RMI2: variants seen among roughly 807,000 people sequenced by gnomAD.
RMI2 encodes the protein RecQ mediated genome instability 2.
A neutral mutation model predicts 8.4 loss-of-function variants in RMI2; 11 were observed. That is an observed-to-expected ratio of 1.32 (90% CI 0.83 to 2.18). The LOEUF is 2.18. RMI2 is among the 30% of genes most tolerant of loss of function. RMI2 has a pLI of 0.00. For synonymous variants in RMI2, 105 were observed against 93.8 expected, an observed-to-expected ratio of 1.12 and a Z score of -0.69; for missense variants, 253 against 207.5, an observed-to-expected ratio of 1.22 and a Z score of -1.35.
intron 1 of RMI2, among the ~76,000 whole-genome samples, chr16:11,346,103 G>A (rs564360173): frequency 1.5e-4 from 23 of 152,264 alleles, no homozygotes; most frequent in African/African-American, 5.5e-4. Flanking sequence ...GGGAAATACT[G>A]TCCTGGGAAA....
chr16:11,350,287 A>G (rs2070948344), intron 1 of RMI2, among the ~76,000 whole-genome samples: 1 of 152,192 alleles, frequency 6.6e-6, no homozygotes, highest in Non-Finnish European at 1.5e-5. Flanking sequence ...TTGGCCTAGT[A>G]AAATCAGAAA....
chr16:11,347,193 A>G (rs2070887537), intron 1 of RMI2, among the ~76,000 whole-genome samples: 1 of 152,082 alleles, frequency 6.6e-6, no homozygotes, highest in Admixed American at 6.5e-5. Flanking sequence ...ATCTTTGGGG[A>G]GCCATGAGGA....
chr16:11,345,716 C>T lies in RMI2; in HGVS notation c.245C>T (p.Ser82Leu). The change falls in exon 1 of 2, where the codon TCG (serine) becomes TTG (leucine). Residue 82 changes from serine to leucine, a missense_variant. By Grantham distance (145) the Ser-to-Leu change is moderately radical (BLOSUM62 -2). Coordinates refer to ENST00000312499, the MANE Select transcript of RMI2 (RefSeq NM_152308.3). The stretch of plus-strand genomic sequence containing the variant: ...CTGAGGGACCCGAGCGGGGACTTCT[C>T]GGTCCGCGGCCTGGAGCGGGTGCCG... ...ARLRDPSGDF[S>L]VRGLERVPRG... 4.0e-6 allele frequency: 5 copies of T among 1,253,448 alleles called. No individual in the cohort carries two copies. Among genetic ancestry groups the T allele is most frequent in the Non-Finnish European group, 4.0e-6 (4 of 1,000,418 alleles). The allele number at this position is 1,253,448 out of a possible 1,614,324, so 77.6% of individuals were successfully genotyped here. A position where few individuals can be genotyped will look rare whatever the true frequency, so the allele number is the denominator to read the frequency against.
At chr16:11,350,473 C>T (rs1391531711) in intron 1 of RMI2, among the ~76,000 whole-genome samples, 169 bp from the exon 2 acceptor site, 1 of 152,116 alleles carries the variant, frequency 6.6e-6, no homozygotes, top group East Asian at 1.9e-4. Context: ...ACCTGTAATC[C>T]CAGCTACTCA....
intron 1 of RMI2, 82 bp from the exon 2 acceptor site, chr16:11,350,560 A>G: frequency 1.3e-5 from 16 of 1,248,128 alleles, no homozygotes; most frequent in Non-Finnish European, 1.6e-5. Context: ...ACTGCACTCC[A>G]GCCTGGGCGA....
chr16:11,351,362 C>T lies in RMI2; in HGVS notation c.*572C>T, dbSNP rs150255515. The T allele has an allele frequency of 6.0e-4, 139 of 232,666 alleles. No individual in the cohort carries two copies. Among genetic ancestry groups the T allele is most frequent in the African/African-American group, 2.6e-3 (119 of 45,446 alleles). The allele number at this position is 232,666 out of a possible 1,614,324, so 14.4% of individuals were successfully genotyped here. ...AAAGACAACAGCTCCCTTTCTGCTT[C>T]GGACACCACTCAAACATTTAGACGC... On this transcript the variant is annotated 3_prime_UTR_variant, in exon 2 of 2. Transcript: ENST00000312499.
intron 1 of RMI2, among the ~76,000 whole-genome samples, chr16:11,350,323 G>T (rs2070948924): frequency 6.6e-6 from 1 of 152,188 alleles, no homozygotes; most frequent in African/African-American, 2.4e-5. Context: ...GGGTACAGTG[G>T]CTCATGCCTA....
Position 11,348,146 on chromosome 16 carries a change from A to G in RMI2, c.295+2380A>G, listed in dbSNP as rs1005175904. On this transcript the variant is annotated intron_variant, in intron 1 of 1. Coordinates refer to ENST00000312499, the MANE Select transcript of RMI2 (RefSeq NM_152308.3). Reference sequence around the variant, plus strand: ...ATATGAAATTCAAGCATCAGTGTTCATAAGTTAAGTTTTATTGGAATACAT... The same window carrying G: ...ATATGAAATTCAAGCATCAGTGTTCGTAAGTTAAGTTTTATTGGAATACAT... The G allele has an allele frequency of 2.0e-4, 30 of 152,274 alleles. 2 individuals carry two copies. The highest frequency in any genetic ancestry group is 1.8e-3 in the Admixed American group (27 of 15,288). The allele number at this position is 152,274 out of a possible 1,614,324, so 9.4% of individuals were successfully genotyped here.
chr16:11,347,008 A>G (rs1403377521), intron 1 of RMI2, among the ~76,000 whole-genome samples: 1 of 152,256 alleles, frequency 6.6e-6, no homozygotes, highest in Admixed American at 6.5e-5. Context: ...TAAGTGCTCC[A>G]AGAACCAATA....
intron 1 of RMI2, 36 bp downstream of exon 1, chr16:11,345,802 G>C: frequency 8.2e-7 from 1 of 1,225,996 alleles, no homozygotes; most frequent in Non-Finnish European, 1.0e-6. Flanking sequence ...CCTCTTCCCT[G>C]CTGCCCGCCG....
Position 11,350,919 on chromosome 16 carries a change from T to G in RMI2, c.*129T>G. The G allele has an allele frequency of 1.4e-6, 1 of 739,076 alleles. No homozygotes were observed. The highest frequency in any genetic ancestry group is 2.1e-5 in the South Asian group (1 of 48,032). The allele number at this position is 739,076 out of a possible 1,614,324, so 45.8% of individuals were successfully genotyped here. On this transcript the variant is annotated 3_prime_UTR_variant, in exon 2 of 2. Coordinates refer to ENST00000312499, the MANE Select transcript of RMI2 (RefSeq NM_152308.3). ...TGCTTCTCAGAGAGCCTTGCTTTGGTTGACCAAGGAGTCCGGATGTAGGAA... is the reference window on the plus strand; with the variant it reads ...TGCTTCTCAGAGAGCCTTGCTTTGGGTGACCAAGGAGTCCGGATGTAGGAA...
At chr16:11,346,632 C>T (rs1402262024) in intron 1 of RMI2, among the ~76,000 whole-genome samples, 3 of 152,164 alleles carry the variant, frequency 2.0e-5, no homozygotes, top group Admixed American at 6.5e-5. Flanking sequence ...CTTGGTAAAG[C>T]TGGGATGGCT....
At position 11,345,483 on chromosome 16, in the gene RMI2, T is replaced by A; in HGVS notation, c.12T>A (p.Ala4=). The change falls in exon 1 of 2, where the codon GCT becomes GCA. Residue 4 remains alanine, a synonymous_variant. Coordinates refer to ENST00000312499, the MANE Select transcript of RMI2 (RefSeq NM_152308.3). MAA[A]ADSFSGGPAG... ...TGCGGCGAGGCGGAATGGCGGCGGC[T>A]GCGGACTCGTTCTCAGGCGGCCCCG... 1 of 1,314,246 alleles carries A rather than the reference T, an allele frequency of 7.6e-7. No homozygotes were observed. The highest frequency in any genetic ancestry group is 9.7e-7 in the Non-Finnish European group (1 of 1,027,084). 81.4% of individuals were successfully genotyped at this position (1,314,246 alleles called of 1,614,324 possible).
rs1174480604 is a variant in RMI2 at position 11,349,972 on chromosome 16, G to C, written c.296-670G>C. On this transcript the variant is annotated intron_variant, in intron 1 of 1. Transcript: ENST00000312499. The surrounding 1 kb of genome is among the most constrained non-coding windows in gnomAD (Gnocchi z 4.2). ...TGTGTGGATTTGCTTGTATGTGCTG[G>C]AGGAGGTGGCAGGGATAGGTCCCAG... Among the ~76,000 whole-genome samples, 1 of 152,210 alleles carries C rather than the reference G, an allele frequency of 6.6e-6. No individual in the cohort carries two copies. Among genetic ancestry groups the C allele is most frequent in the African/African-American group, 2.4e-5 (1 of 41,446 alleles).
intron 1 of RMI2, among the ~76,000 whole-genome samples, chr16:11,346,691 G>A (rs997233813): frequency 6.6e-6 from 1 of 152,210 alleles, no homozygotes; most frequent in East Asian, 1.9e-4. Context: ...GGTGGGGCTG[G>A]AAATTTGCAT....
chr16:11,347,793 A>G (rs1336179004), intron 1 of RMI2, among the ~76,000 whole-genome samples: 1 of 152,068 alleles, frequency 6.6e-6, no homozygotes, highest in African/African-American at 2.4e-5. Context: ...TACTATTATT[A>G]TTTTTGAGAC....
chr16:11,347,182 G>A (rs975333718), intron 1 of RMI2, among the ~76,000 whole-genome samples: 14 of 152,214 alleles, frequency 9.2e-5, no homozygotes, highest in African/African-American at 3.4e-4. Flanking sequence ...GAGGATCGCT[G>A]ATCTTTGGGG....
rs1485763614 is a variant in RMI2 at position 11,351,279 on chromosome 16, A to T, written c.*489A>T. The T allele has an allele frequency of 4.3e-6, 1 of 233,086 alleles. No homozygotes were observed. Among genetic ancestry groups the T allele is most frequent in the Admixed American group, 5.6e-5 (1 of 17,776 alleles). 14.4% of individuals were successfully genotyped at this position (233,086 alleles called of 1,614,324 possible). On this transcript the variant is annotated 3_prime_UTR_variant, in exon 2 of 2. Coordinates refer to ENST00000312499, the MANE Select transcript of RMI2 (RefSeq NM_152308.3). ...CTCCTCATCTTCTTCATCAGCAACT[A>T]CCATAACCAGTTTGCGAGTCAAATG...
In RMI2 at chr16:11,350,844, C is replaced by T; in HGVS notation, c.*54C>T. On this transcript the variant is annotated 3_prime_UTR_variant, in exon 2 of 2. Transcript: ENST00000312499. The stretch of plus-strand genomic sequence containing the variant: ...CCAAAATCCCGAAACTATTTAGAAG[C>T]TTATAATGATGTGGATTTCATGGAC... 1 of 1,444,066 alleles carries T rather than the reference C, an allele frequency of 6.9e-7. No individual in the cohort carries two copies. The highest frequency in any genetic ancestry group is 9.5e-7 in the Non-Finnish European group (1 of 1,055,326). The allele number at this position is 1,444,066 out of a possible 1,614,324, so 89.5% of individuals were successfully genotyped here.
Sources: allele counts gnomAD v4.1 joint callset (sites outside exome capture counted in the v4.1 genomes callset), GRCh38; gene constraint gnomAD v4.1.1; non-coding constraint Gnocchi (gnomAD v3.1); transcripts MANE v1.5; gene names NCBI Gene and HGNC (gene_info 2026-07-23, HGNC 2026-07-21).